Variants in CFAP52 observed in about 807,000 individuals in gnomAD.
CFAP52 encodes the protein cilia- and flagella-associated protein 52.
A neutral mutation model predicts 70.5 loss-of-function variants in CFAP52; 57 were observed. The ratio of observed to expected loss-of-function variants is 0.81; its 90% CI spans 0.65 to 1.01. The LOEUF is 1.01. Among genes scored for constraint, CFAP52 ranks in the 50% least tolerant of loss-of-function variants. The probability of loss-of-function intolerance (pLI) is 0.00; values close to 1 mark genes in which losing one functional copy is unlikely to be tolerated. For missense variants in CFAP52, 785 were observed against 788.5 expected (o/e 1.00, Z 0.05); for synonymous variants, 267 against 292.5 (o/e 0.91, Z 0.89).
intron 8 of CFAP52, among the ~76,000 whole-genome samples, chr17:9,624,819 C>T (rs1910179051): frequency 6.6e-6 from 1 of 152,118 alleles, no homozygotes; most frequent in Non-Finnish European, 1.5e-5. Context: ...GGCATGGACT[C>T]AAACTGCAAA....
At chr17:9,638,933 T>G in intron 12 of CFAP52, 1 of 540,892 alleles carries the variant, frequency 1.8e-6, no homozygotes, top group Non-Finnish European at 3.3e-6. Context: ...GAGTAAGGAT[T>G]AAAGTCATGC....
chr17:9,584,461 TA>T, intron 1 of CFAP52: 1 of 974,400 alleles, frequency 1.0e-6, no homozygotes, highest in Non-Finnish European at 1.4e-6. Context: ...TGTATCAATT[TA>T]AAGTGTATAA....
chr17:9,583,710 A>T (rs1240315584), intron 1 of CFAP52, among the ~76,000 whole-genome samples: 1 of 152,234 alleles, frequency 6.6e-6, no homozygotes, highest in East Asian at 1.9e-4. Flanking sequence ...GGTGACATGC[A>T]AGTTTGTATT....
chr17:9,634,383 G>A (rs933191517), intron 10 of CFAP52, among the ~76,000 whole-genome samples: 3 of 152,142 alleles, frequency 2.0e-5, no homozygotes, highest in Non-Finnish European at 1.5e-5. Context: ...GGTGGCTCAC[G>A]CCTGTAATCT....
chr17:9,629,962 C>G (rs1382372458), intron 9 of CFAP52, among the ~76,000 whole-genome samples: 1 of 151,886 alleles, frequency 6.6e-6, no homozygotes, highest in East Asian at 2.0e-4. Flanking sequence ...CATGTCTTCT[C>G]CACATAGGGC....
At chr17:9,621,695 TC>T (rs1910039113) in intron 8 of CFAP52, among the ~76,000 whole-genome samples, 1 of 69,534 alleles carries the variant, frequency 1.4e-5, no homozygotes, top group Non-Finnish European at 2.8e-5. Flanking sequence ...TGAGTTCATG[TC>T]CTTTGTAGGG....
chr17:9,579,285 G>C (rs1291749820), intron 1 of CFAP52, among the ~76,000 whole-genome samples: 1 of 152,140 alleles, frequency 6.6e-6, no homozygotes, highest in African/African-American at 2.4e-5. Flanking sequence ...GGAGTCAGCG[G>C]GTAAAGATTG....
At chr17:9,610,769 C>T (rs894785529) in intron 7 of CFAP52, among the ~76,000 whole-genome samples, 1 of 152,088 alleles carries the variant, frequency 6.6e-6, no homozygotes, top group African/African-American at 2.4e-5. Context: ...AAACTCCTGA[C>T]CTCAGATGAT....
chr17:9,633,903 G>C (rs1264096013), intron 10 of CFAP52, among the ~76,000 whole-genome samples: 2 of 151,264 alleles, frequency 1.3e-5, no homozygotes, highest in South Asian at 4.2e-4. Flanking sequence ...GGATGGTCTC[G>C]ATCTCCTGAC....
At chr17:9,623,679 T>A (rs1597789000) in intron 8 of CFAP52, among the ~76,000 whole-genome samples, 1 of 151,914 alleles carries the variant, frequency 6.6e-6, no homozygotes, top group African/African-American at 2.4e-5. Context: ...TTTTTGTTTG[T>A]TTGTTTGTTT....
chr17:9,645,547 A>C (rs1456286615), downstream of CFAP52: 1 of 1,126,620 alleles, frequency 8.9e-7, no homozygotes. This position sits in a 1 kb window ranked among gnomAD's most constrained non-coding sequence, Gnocchi z 6.8. Context: ...CGGCACCAGG[A>C]GCCTTAGAGA....
intron 6 of CFAP52, among the ~76,000 whole-genome samples, chr17:9,601,858 G>A (rs1909284678): frequency 6.6e-6 from 1 of 152,162 alleles, no homozygotes; most frequent in Non-Finnish European, 1.5e-5. Flanking sequence ...TCTCGTTTCT[G>A]ATAACAGAAC....
Position 9,585,937 on chromosome 17 carries a change from A to T in CFAP52, c.235A>T (p.Ile79Phe), listed in dbSNP as rs376170198. The T allele has an allele frequency of 2.1e-5, 34 of 1,613,698 alleles. No homozygotes were observed. Among genetic ancestry groups the T allele is most frequent in the Admixed American group, 8.3e-5 (5 of 59,962 alleles). Residue 79 changes from isoleucine (I) to phenylalanine (F), a missense_variant, in exon 2 of 14, where the codon ATC (isoleucine) becomes TTC (phenylalanine). Physicochemically the swap from Ile to Phe is conservative, Grantham distance 21. Coordinates refer to ENST00000352665, the MANE Select transcript of CFAP52 (RefSeq NM_145054.5). ...GGCCATCTCCAGGTCTGGAGAGTACATCGCCTCCGGACAAGTCACATTCAT... is the reference window on the plus strand; with the variant it reads ...GGCCATCTCCAGGTCTGGAGAGTACTTCGCCTCCGGACAAGTCACATTCAT... ...CLAISRSGEY[I>F]ASGQVTFMGF... is the part of the protein sequence containing the mutation.
chr17:9,601,928 G>A (rs1433563811), intron 6 of CFAP52, among the ~76,000 whole-genome samples: 1 of 152,092 alleles, frequency 6.6e-6, no homozygotes, highest in African/African-American at 2.4e-5. Flanking sequence ...AAGAAACTTT[G>A]AAATACTGCA....
intron 4 of CFAP52, chr17:9,597,448 T>C (rs1909063652): frequency 6.6e-6 from 1 of 152,190 alleles, no homozygotes; most frequent in African/African-American, 2.4e-5. Context: ...TTCTACAATG[T>C]GTATATGTAT....
chr17:9,644,680 C>A (rs1038219788), downstream of CFAP52: 4 of 152,168 alleles, frequency 2.6e-5, no homozygotes, highest in East Asian at 3.9e-4. Flanking sequence ...AAGGATCGTG[C>A]GTTAAGGAGT....
intron 4 of CFAP52, among the ~76,000 whole-genome samples, chr17:9,595,983 C>CTA (rs1256282667): frequency 3.6e-5 from 5 of 140,000 alleles, no homozygotes; most frequent in Non-Finnish European, 6.1e-5. Context: ...AAAAGAAAAA[C>CTA]TATATATATA....
intron 9 of CFAP52, among the ~76,000 whole-genome samples, chr17:9,631,670 C>T (rs899690707): frequency 2.6e-4 from 38 of 148,948 alleles, no homozygotes; most frequent in African/African-American, 7.9e-4. Flanking sequence ...AAAGAGATGG[C>T]GGGGGTTGGG....
chr17:9,626,062 G>A (rs1193679144), intron 8 of CFAP52, among the ~76,000 whole-genome samples: 2 of 152,124 alleles, frequency 1.3e-5, no homozygotes, highest in East Asian at 1.9e-4. Context: ...GGGAGAGAGG[G>A]AGCACATGGG....
Sources: gnomAD v4.1 joint callset for allele counts (sites outside exome capture counted in the v4.1 genomes callset) on GRCh38, gnomAD v4.1.1 for gene constraint, Gnocchi (gnomAD v3.1) non-coding constraint, MANE v1.5 for transcripts, NCBI Gene and HGNC (gene_info 2026-07-23, HGNC 2026-07-21) for gene names.